IL1RAP: variants seen among roughly 807,000 people sequenced by gnomAD.
IL1RAP encodes interleukin 1 receptor accessory protein.
A neutral mutation model predicts 60.7 loss-of-function variants in IL1RAP; 35 were observed. The observed-to-expected ratio is 0.58, with a 90% CI of 0.44 to 0.76. The LOEUF (loss-of-function observed/expected upper bound fraction) is 0.76, where lower values mean the gene tolerates loss of function less well. IL1RAP is among the 30% of genes least tolerant of loss of function. IL1RAP has a pLI of 0.00. For synonymous variants in IL1RAP, 268 were observed against 250.9 expected (o/e 1.07, Z -0.64); for missense variants, 572 against 693.9 (o/e 0.82, Z 1.97).
intron 1 of IL1RAP, among the ~76,000 whole-genome samples, chr3:190,540,184 G>A (rs1723807908): frequency 6.6e-6 from 1 of 152,026 alleles, no homozygotes; most frequent in African/African-American, 2.4e-5. Context: ...AACATTGAGG[G>A]ACAGATTAGA....
intron 7 of IL1RAP, among the ~76,000 whole-genome samples, chr3:190,623,622 T>C (rs1288297680): frequency 6.6e-6 from 1 of 152,226 alleles, no homozygotes; most frequent in Non-Finnish European, 1.5e-5. Flanking sequence ...TCACTCTCGG[T>C]ATCTGCTCCC....
intron 5 of IL1RAP, among the ~76,000 whole-genome samples, chr3:190,618,302 AT>A (rs1299567724): frequency 2.6e-5 from 4 of 152,242 alleles, no homozygotes; most frequent in African/African-American, 9.6e-5. Context: ...AGGTAAAAGC[AT>A]TACAAACTTT....
rs745712330 is a variant in IL1RAP, at chr3:190,604,181, G to A, written c.118G>A (p.Asp40Asn). The stretch of plus-strand genomic sequence containing the variant: ...CATGAGGCAAATCCAAGTGTTTGAA[G>A]ATGAGCCAGCTCGCATCAAGTGCCC... ...DTMRQIQVFE[D>N]EPARIKCPLF... The change falls in exon 4 of 12, where the codon GAT becomes AAT. Residue 40 changes from aspartate (D) to asparagine (N), a missense_variant. By Grantham distance (23) the Asp-to-Asn change is conservative. Coordinates refer to ENST00000447382, the MANE Select transcript of IL1RAP (RefSeq NM_002182.4). The A allele has an allele frequency of 6.2e-7, 1 of 1,613,914 alleles. No individual in the cohort carries two copies. The highest frequency in any genetic ancestry group is 1.3e-5 in the African/African-American group (1 of 74,890).
intron 1 of IL1RAP, among the ~76,000 whole-genome samples, chr3:190,524,676 T>C (rs1722358705): frequency 6.6e-6 from 1 of 152,158 alleles, no homozygotes; most frequent in South Asian, 2.1e-4. Flanking sequence ...TATTGCTGTA[T>C]CCCAAGTGCC....
chr3:190,643,452 T>A (rs1285803998), intron 9 of IL1RAP, among the ~76,000 whole-genome samples: 1 of 152,100 alleles, frequency 6.6e-6, no homozygotes, highest in Non-Finnish European at 1.5e-5. Flanking sequence ...GGCTAATGAG[T>A]TAAGATCTGG....
chr3:190,587,406 C>T (rs919703018), intron 3 of IL1RAP, among the ~76,000 whole-genome samples: 8 of 152,134 alleles, frequency 5.3e-5, no homozygotes, highest in Admixed American at 1.3e-4. Flanking sequence ...TAATACCTGG[C>T]GTATAGAAAA....
At chr3:190,556,851 T>C (rs1725475927) in intron 2 of IL1RAP, among the ~76,000 whole-genome samples, 2 of 152,214 alleles carry the variant, frequency 1.3e-5, no homozygotes, top group African/African-American at 4.8e-5. Flanking sequence ...TAAGAGTTGA[T>C]GATAAACAGC....
chr3:190,540,255 C>T (rs1723816375), intron 1 of IL1RAP, among the ~76,000 whole-genome samples: 1 of 151,972 alleles, frequency 6.6e-6, no homozygotes, highest in African/African-American at 2.4e-5. Flanking sequence ...CTCTTCCGTC[C>T]TCTCTGCCTT....
intron 3 of IL1RAP, among the ~76,000 whole-genome samples, chr3:190,573,576 C>A (rs142356339): frequency 6.6e-6 from 1 of 152,216 alleles, no homozygotes; most frequent in East Asian, 1.9e-4. Context: ...AAAGTGAAGA[C>A]GGGGTTGGTT....
intron 1 of IL1RAP, among the ~76,000 whole-genome samples, chr3:190,523,713 G>A (rs1056352868): frequency 6.6e-6 from 1 of 152,042 alleles, no homozygotes; most frequent in Non-Finnish European, 1.5e-5. Flanking sequence ...CCTTTTTATG[G>A]CTGCATAGTA....
intron 3 of IL1RAP, among the ~76,000 whole-genome samples, chr3:190,576,420 G>T (rs999799659): frequency 6.6e-6 from 1 of 151,824 alleles, no homozygotes; most frequent in African/African-American, 2.4e-5. Context: ...GGAAAAATTG[G>T]CAAAGATTTG....
At chr3:190,577,676 G>C (rs1338955175) in intron 3 of IL1RAP, among the ~76,000 whole-genome samples, 1 of 152,058 alleles carries the variant, frequency 6.6e-6, no homozygotes, top group African/African-American at 2.4e-5. Flanking sequence ...GACTATAGGG[G>C]CATGCCACCA....
chr3:190,551,222 GA>G (rs1724833929), intron 1 of IL1RAP, among the ~76,000 whole-genome samples: 1 of 152,182 alleles, frequency 6.6e-6, no homozygotes, highest in African/African-American at 2.4e-5. Flanking sequence ...TTTTTCCCCA[GA>G]GCTTTCATTG....
intron 9 of IL1RAP, among the ~76,000 whole-genome samples, chr3:190,631,485 C>T (rs1732784232): frequency 6.6e-6 from 1 of 152,186 alleles, no homozygotes; most frequent in African/African-American, 2.4e-5. Flanking sequence ...TGTTTGGTCA[C>T]ACCTGTGTAT....
At chr3:190,568,070 C>A (rs550378149) in intron 3 of IL1RAP, among the ~76,000 whole-genome samples, 1 of 152,126 alleles carries the variant, frequency 6.6e-6, no homozygotes, top group East Asian at 1.9e-4. Context: ...AAAATATTAC[C>A]ATATCAAAAT....
chr3:190,629,506 A>T lies in IL1RAP; in HGVS notation c.1051+8A>T. On this transcript the variant is annotated splice_region_variant and intron_variant, in intron 9 of 11. Transcript: ENST00000447382. ...CCAAGGTGAAGCAGAAAGGTAATAG[A>T]TGCGGTCAGTGATGAATCTCTCAGC... 6.2e-7 allele frequency: 1 copy of T among 1,605,988 alleles called. No individual in the cohort carries two copies. The highest frequency in any genetic ancestry group is 8.5e-7 in the Non-Finnish European group (1 of 1,176,784).
At chr3:190,610,614 A>T (rs1730741042) in intron 5 of IL1RAP, among the ~76,000 whole-genome samples, 1 of 152,158 alleles carries the variant, frequency 6.6e-6, no homozygotes, top group Non-Finnish European at 1.5e-5. Flanking sequence ...GACCTTTCAT[A>T]ATAATAAAAG....
At chr3:190,654,857 A>G (rs561375576), downstream of IL1RAP, among the ~76,000 whole-genome samples, 15 of 152,206 alleles carry the variant, frequency 9.9e-5, no homozygotes, top group Non-Finnish European at 1.9e-4. Flanking sequence ...AAGCTCCTAA[A>G]TCTCACAGTG....
At chr3:190,656,384 T>C, downstream of IL1RAP, 1 of 1,537,194 alleles carries the variant, frequency 6.5e-7, no homozygotes. Context: ...CGCTGTTGTG[T>C]CACCTACTGT....
Sources: gnomAD v4.1 joint callset for allele counts (sites outside exome capture counted in the v4.1 genomes callset) on GRCh38, gnomAD v4.1.1 for gene constraint, MANE v1.5 for transcripts, NCBI Gene and HGNC (gene_info 2026-07-23, HGNC 2026-07-21) for gene names.